Variants in CHCHD2 observed in about 807,000 individuals in gnomAD.
The protein encoded by CHCHD2 is coiled-coil-helix-coiled-coil-helix domain-containing protein 2.
CHCHD2 carries 17 observed loss-of-function variants against 17.5 expected under a neutral mutation model. The observed-to-expected ratio is 0.97, with a 90% confidence interval of 0.67 to 1.46. The LOEUF is 1.46. Ranked by LOEUF, CHCHD2 falls within the 40% of genes most tolerant of loss-of-function variation. CHCHD2 has a pLI of 0.00. For missense variants in CHCHD2, 175 were observed against 199.9 expected, an observed-to-expected ratio of 0.88 and a Z score of 0.75; for synonymous variants, 63 against 74.3, an observed-to-expected ratio of 0.85 and a Z score of 0.78.
At position 56,102,979 on chromosome 7, in the gene CHCHD2, C is replaced by T; in HGVS notation, c.333G>A (p.Gln111=). 6.2e-7 allele frequency: 1 copy of T among 1,614,212 alleles called. No homozygotes were observed. The highest frequency in any genetic ancestry group is 8.5e-7 in the Non-Finnish European group (1 of 1,180,038). ...GTTTGATCTCATAGAGGCAAGGCTG[C>T]TGCTGCTGTGCTGGCTGGGTTCCCT... The part of the protein sequence containing the change: ...EPQGTQPAQQ[Q]QPCLYEIKQF... Residue 111 remains glutamine (Q), a synonymous_variant, in exon 3 of 4, where the codon CAG becomes CAA. Coordinates refer to ENST00000395422, the MANE Select transcript of CHCHD2 (RefSeq NM_016139.4).
chr7:56,102,601 C>G (rs1277925982), intron 3 of CHCHD2: 2 of 350,030 alleles, frequency 5.7e-6, no homozygotes, highest in Non-Finnish European at 1.1e-5. Flanking sequence ...CTCCTGACAT[C>G]AGGTGATCCA....
In CHCHD2 at chr7:56,101,761, C is replaced by G; in HGVS notation, c.*90G>C. On this transcript the variant is annotated 3_prime_UTR_variant, in exon 4 of 4. Transcript: ENST00000395422. Reference sequence around the variant, plus strand: ...AGGAGAGGTTTAACTGATGGTTACACTTTATACCCTCACTATCAATTCTAT... The same window carrying G: ...AGGAGAGGTTTAACTGATGGTTACAGTTTATACCCTCACTATCAATTCTAT... The G allele has an allele frequency of 8.0e-7, 1 of 1,250,778 alleles. No homozygotes were observed. The highest frequency in any genetic ancestry group is 1.2e-6 in the Non-Finnish European group (1 of 862,488). 77.5% of individuals were successfully genotyped at this position (1,250,778 alleles called of 1,614,324 possible).
rs749822788 is a variant in CHCHD2, at chr7:56,106,406, C to A, written c.8G>T (p.Arg3Leu). Residue 3 changes from arginine (R) to leucine (L), a missense_variant, in exon 1 of 4, where the codon CGT (arginine) becomes CTT (leucine). Transcript: ENST00000395422. The part of the protein sequence containing the change: MP[R>L]GSRSRTSRMA... ...GCGGGAGGTGCGGCTTCGGCTTCCA[C>A]GCGGCATCCTAGGTAAGCGACGGCT... The A allele has an allele frequency of 6.2e-7, 1 of 1,613,560 alleles. No individual in the cohort carries two copies. Among genetic ancestry groups the A allele is most frequent in the East Asian group, 2.2e-5 (1 of 44,854 alleles).
At chr7:56,105,744 T>C (rs1052545894) in intron 1 of CHCHD2, among the ~76,000 whole-genome samples, 2 of 152,198 alleles carry the variant, frequency 1.3e-5, no homozygotes, top group African/African-American at 4.8e-5. Context: ...TTAGCCATAA[T>C]TACGTCACTG....
intron 2 of CHCHD2, among the ~76,000 whole-genome samples, chr7:56,103,756 T>C (rs1025045839): frequency 4.6e-5 from 7 of 152,200 alleles, no homozygotes; most frequent in Admixed American, 1.3e-4. Flanking sequence ...GGTACTATTA[T>C]AGAAAACTGG....
chr7:56,102,274 T>G (rs1423299247), intron 3 of CHCHD2, among the ~76,000 whole-genome samples: 2 of 152,156 alleles, frequency 1.3e-5, no homozygotes, highest in Admixed American at 1.3e-4. Context: ...TAATCTTATA[T>G]TCGCAGCCTT....
chr7:56,102,614 C>T (rs896777950), intron 3 of CHCHD2: 12 of 379,404 alleles, frequency 3.2e-5, no homozygotes, highest in African/African-American at 1.2e-4. Flanking sequence ...GTGATCCACC[C>T]GTCTTGGCCT....
At chr7:56,103,814 T>C (rs1475407309) in intron 2 of CHCHD2, among the ~76,000 whole-genome samples, 2 of 152,334 alleles carry the variant, frequency 1.3e-5, no homozygotes, top group South Asian at 4.1e-4. Flanking sequence ...TACACACCTA[T>C]GCTCATTAGA....
At chr7:56,102,412 G>A (rs990791987) in intron 3 of CHCHD2, among the ~76,000 whole-genome samples, 4 of 151,672 alleles carry the variant, frequency 2.6e-5, no homozygotes, top group Non-Finnish European at 2.9e-5. Context: ...AGTTGCCCAG[G>A]CTGGAATGCA....
chr7:56,104,585 A>T, intron 1 of CHCHD2, 110 bp from the exon 2 acceptor site: 1 of 1,200,100 alleles, frequency 8.3e-7, no homozygotes, highest in Non-Finnish European at 1.1e-6. Context: ...TTCATTTCAA[A>T]TTATTTACAT....
At chr7:56,105,932 T>C (rs1785374724) in intron 1 of CHCHD2, among the ~76,000 whole-genome samples, 1 of 152,306 alleles carries the variant, frequency 6.6e-6, no homozygotes, top group African/African-American at 2.4e-5. Context: ...ACTTCAACTA[T>C]TCCTCATCTG....
chr7:56,103,103 A>G lies in CHCHD2; in HGVS notation c.301-92T>C, dbSNP rs891018037. The G allele has an allele frequency of 2.3e-6, 3 of 1,284,330 alleles. No individual in the cohort carries two copies. In the African/African-American group the frequency reaches 4.4e-5, roughly 19 times the overall value. 79.6% of individuals were successfully genotyped at this position (1,284,330 alleles called of 1,614,324 possible). On this transcript the variant is annotated intron_variant, in intron 2 of 3. Transcript: ENST00000395422. ...TATCCATCCTCTTTGAGGTTAATGG[A>G]AAATGGAACTAGCACCAGATGCTAA...
rs1196293610 is a variant in CHCHD2 at position 56,102,971 on chromosome 7, C to A, written c.341G>T (p.Cys114Phe). ...GTQPAQQQQP[C>F]LYEIKQFLEC... is the part of the protein sequence containing the mutation. ...CAGAAACTGTTTGATCTCATAGAGGCAAGGCTGCTGCTGCTGTGCTGGCTG... is the reference window on the plus strand; with the variant it reads ...CAGAAACTGTTTGATCTCATAGAGGAAAGGCTGCTGCTGCTGTGCTGGCTG... The change falls in exon 3 of 4, where the codon TGC becomes TTC. Residue 114 changes from cysteine to phenylalanine, a missense_variant. Physicochemically the swap from Cys to Phe is radical, Grantham distance 205. Transcript: ENST00000395422. 2 of 1,614,040 alleles carry A rather than the reference C, an allele frequency of 1.2e-6. No homozygotes were observed. Among genetic ancestry groups the A allele is most frequent in the African/African-American group, 2.7e-5 (2 of 74,926 alleles).
chr7:56,104,500 C>A (rs540293820), intron 1 of CHCHD2, 25 bp from the exon 2 acceptor site: 29 of 1,524,330 alleles, frequency 1.9e-5, no homozygotes, highest in Non-Finnish European at 2.5e-5. Flanking sequence ...AAAAAAACAT[C>A]AAGTTCCCAA....
intron 1 of CHCHD2, among the ~76,000 whole-genome samples, chr7:56,104,912 ATT>A (rs752149986): frequency 1.6e-4 from 19 of 115,824 alleles, no homozygotes; most frequent in Non-Finnish European, 1.5e-4. Context: ...GCACGGCCTA[ATT>A]TTTTTTTTTT....
At chr7:56,105,874 A>C (rs1243331066) in intron 1 of CHCHD2, among the ~76,000 whole-genome samples, 1 of 152,176 alleles carries the variant, frequency 6.6e-6, no homozygotes, top group African/African-American at 2.4e-5. Flanking sequence ...ACACATTACA[A>C]AACAAGACTG....
Position 56,101,871 on chromosome 7 carries a change from G to C in CHCHD2, c.446-10C>G. On this transcript the variant is annotated splice_polypyrimidine_tract_variant and intron_variant, in intron 3 of 3. Transcript: ENST00000395422. ...CTTCATTAGGCCAATCCTGCAAACA[G>C]AAAAGATTAAGTTAGAAGAATGCTA... is the stretch of plus-strand genomic sequence containing the variant. The C allele has an allele frequency of 6.2e-7, 1 of 1,612,720 alleles. No homozygotes were observed. Among genetic ancestry groups the C allele is most frequent in the Non-Finnish European group, 8.5e-7 (1 of 1,179,148 alleles).
In CHCHD2 at chr7:56,104,203, G is replaced by GGAA. The variant is rs772219953; in HGVS notation, c.300+20_300+22dup. 9 of 1,609,176 alleles carry GGAA rather than the reference G, an allele frequency of 5.6e-6. No individual in the cohort carries two copies. In the East Asian group the frequency reaches 1.8e-4, roughly 32 times the overall value. On this transcript the variant is annotated intron_variant, in intron 2 of 3. Transcript: ENST00000395422. ...TTCTCATAAAATCCACCCATGGAAG[G>GGAA]GAAATGCTGCCTAAATTCCCACCTG...
rs1415208911 is a variant in CHCHD2, at chr7:56,101,878, T to A, written c.446-17A>T. ...AGGCCAATCCTGCAAACAGAAAAGA[T>A]TAAGTTAGAAGAATGCTAGCTTCGT... On this transcript the variant is annotated splice_polypyrimidine_tract_variant and intron_variant, in intron 3 of 3. Coordinates refer to ENST00000395422, the MANE Select transcript of CHCHD2 (RefSeq NM_016139.4). 1.9e-6 allele frequency: 3 copies of A among 1,612,572 alleles called. No individual in the cohort carries two copies. The highest frequency in any genetic ancestry group is 2.5e-6 in the Non-Finnish European group (3 of 1,179,094).
Sources: allele counts gnomAD v4.1 joint callset (sites outside exome capture counted in the v4.1 genomes callset), GRCh38; gene constraint gnomAD v4.1.1; transcripts MANE v1.5; gene names NCBI Gene and HGNC (gene_info 2026-07-23, HGNC 2026-07-21).